Variants in PRDM1 observed in about 807,000 individuals in gnomAD.
PRDM1 encodes the protein PR/SET domain 1, also known as PR domain zinc finger protein 1.
A neutral mutation model predicts 62.8 loss-of-function variants in PRDM1; 13 were observed. That is an observed-to-expected ratio of 0.21 (90% CI 0.13 to 0.33). The LOEUF is 0.33. Among genes scored for constraint, PRDM1 ranks in the 10% least tolerant of loss-of-function variants. The probability of loss-of-function intolerance (pLI) is 1.00; values close to 1 mark genes in which losing one functional copy is unlikely to be tolerated. For synonymous variants in PRDM1, 396 were observed against 417.6 expected (o/e 0.95, Z 0.63); for missense variants, 895 against 1,058.8 (o/e 0.85, Z 2.15).
At chr6:106,088,501 C>T in intron 2 of PRDM1, 52 bp downstream of exon 2, 1 of 1,608,502 alleles carries the variant, frequency 6.2e-7, no homozygotes. Context: ...GCCAAATCTC[C>T]CTACTTGCCC....
intron 1 of PRDM1, among the ~76,000 whole-genome samples, chr6:106,074,454 TC>T (rs1302096132): frequency 6.6e-6 from 1 of 152,194 alleles, no homozygotes; most frequent in African/African-American, 2.4e-5. Context: ...ATTTGCATGC[TC>T]CCCAAGGGTT....
chr6:106,092,847 G>T (rs554838057), intron 2 of PRDM1, among the ~76,000 whole-genome samples: 2 of 152,312 alleles, frequency 1.3e-5, no homozygotes, highest in South Asian at 4.1e-4. Context: ...GCTAGACTTA[G>T]AATGGATATA....
chr6:105,997,973 T>C (rs563106686), intron 1 of PRDM1, among the ~76,000 whole-genome samples: 4 of 152,362 alleles, frequency 2.6e-5, no homozygotes, highest in Non-Finnish European at 5.9e-5. Flanking sequence ...AATTAAAAAG[T>C]AAACTGGTTG....
intron 1 of PRDM1, among the ~76,000 whole-genome samples, chr6:106,019,482 C>T (rs1483544087): frequency 1.3e-5 from 2 of 150,716 alleles, no homozygotes; most frequent in South Asian, 2.1e-4. Context: ...GATTAATTTG[C>T]GTTTTCACTT....
chr6:106,005,558 A>G (rs932827909), intron 1 of PRDM1, among the ~76,000 whole-genome samples: 4 of 152,252 alleles, frequency 2.6e-5, no homozygotes, highest in Non-Finnish European at 5.9e-5. Context: ...CTTTTAAACT[A>G]GGAAAAAATG....
chr6:106,079,023 C>T (rs1424037624), intron 1 of PRDM1, among the ~76,000 whole-genome samples: 3 of 151,820 alleles, frequency 2.0e-5, no homozygotes, highest in East Asian at 3.9e-4. Flanking sequence ...TGCAGTGGCG[C>T]GATCTCAGCT....
At chr6:106,065,780 T>C (rs925061257) in intron 1 of PRDM1, among the ~76,000 whole-genome samples, 1 of 152,238 alleles carries the variant, frequency 6.6e-6, no homozygotes, top group African/African-American at 2.4e-5. Flanking sequence ...CCTGCTTCCA[T>C]GGATTGAACC....
At chr6:106,045,325 T>C (rs796751930), upstream of PRDM1, 3 of 152,194 alleles carry the variant, frequency 2.0e-5, no homozygotes, top group African/African-American at 7.2e-5. Context: ...TCCACACTTT[T>C]ACTGCTTTCC....
chr6:106,034,575 A>T (rs1772896097), intron 1 of PRDM1, among the ~76,000 whole-genome samples: 1 of 150,034 alleles, frequency 6.7e-6, no homozygotes, highest in Non-Finnish European at 1.5e-5. Flanking sequence ...TTGATGTCTA[A>T]CTTCATTCCA....
rs565455956 is a variant in PRDM1 at position 106,109,237 on chromosome 6, C to G, written c.*1751C>G. 4.3e-6 allele frequency: 1 copy of G among 230,126 alleles called. No homozygotes were observed. The highest frequency in any genetic ancestry group is 8.6e-6 in the Non-Finnish European group (1 of 115,896). 14.3% of individuals were successfully genotyped at this position (230,126 alleles called of 1,614,324 possible). ...TGGTGCAGTGGTGGGGACCACAAAACAACCAGGGAGGAAGAGATACATCAT... is the reference window on the plus strand; with the variant it reads ...TGGTGCAGTGGTGGGGACCACAAAAGAACCAGGGAGGAAGAGATACATCAT... On this transcript the variant is annotated 3_prime_UTR_variant, in exon 7 of 7. Transcript: ENST00000369096.
intron 2 of PRDM1, among the ~76,000 whole-genome samples, chr6:106,093,248 T>C (rs1168432527): frequency 6.6e-6 from 1 of 152,076 alleles, no homozygotes; most frequent in East Asian, 1.9e-4. Context: ...CACAAGAAAA[T>C]GTGTGTAAGA....
chr6:106,095,004 A>C lies in PRDM1; in HGVS notation c.292-611A>C, dbSNP rs558119998. ...TAGAAGGCCAGAGAAGAACAAAGTT[A>C]CTTGAAAGATCTCTTATTAAAGAGA... On this transcript the variant is annotated intron_variant, in intron 2 of 6. Transcript: ENST00000369096. Among the ~76,000 whole-genome samples the C allele has an allele frequency of 4.6e-5, 7 of 151,624 alleles. No homozygotes were observed. The East Asian group carries it at 1.4e-3, about 29-fold the overall frequency.
chr6:106,068,556 G>GTC, intron 1 of PRDM1, among the ~76,000 whole-genome samples: 1 of 152,224 alleles, frequency 6.6e-6, no homozygotes, highest in East Asian at 1.9e-4. Flanking sequence ...CTCTCCCACT[G>GTC]TAACTCCTGC....
At chr6:106,086,047 G>A (rs1773790681), upstream of PRDM1, among the ~76,000 whole-genome samples, 1 of 152,206 alleles carries the variant, frequency 6.6e-6, no homozygotes, top group Non-Finnish European at 1.5e-5. Flanking sequence ...TTTAAGGAAC[G>A]TGCGCCCCCT....
Position 106,105,277 on chromosome 6 carries a change from T to G in PRDM1, c.1117T>G (p.Ser373Ala). Residue 373 changes from serine to alanine, a missense_variant, in exon 5 of 7, where the codon TCC becomes GCC. Ser to Ala is a moderately conservative substitution (Grantham distance 99). Transcript: ENST00000369096. ...CCCCGGCTCTCAAGAGCACCGGGAC[T>G]CCTACGCTTACTTGAACGCGTCCTA... ...VGPGSQEHRD[S>A]YAYLNASYGT... is the part of the protein sequence containing the mutation. 2 of 1,613,752 alleles carry G rather than the reference T, an allele frequency of 1.2e-6. No individual in the cohort carries two copies. Among genetic ancestry groups the G allele is most frequent in the Non-Finnish European group, 1.7e-6 (2 of 1,179,914 alleles).
chr6:106,095,070 C>A (rs902050619), intron 2 of PRDM1, among the ~76,000 whole-genome samples: 1 of 150,880 alleles, frequency 6.6e-6, no homozygotes, highest in African/African-American at 2.4e-5. Flanking sequence ...CACACACACA[C>A]AAACCTCATC....
At position 106,104,944 on chromosome 6, in the gene PRDM1, A is replaced by G. The variant is rs1774404905; in HGVS notation, c.784A>G (p.Lys262Glu). The change falls in exon 5 of 7, where the codon AAA becomes GAA. Residue 262 changes from lysine to glutamate, a missense_variant. Physicochemically the swap from Lys to Glu is moderately conservative, Grantham distance 56. Around this residue, in one of 4 missense-constraint regions of PRDM1, gnomAD observed 444 missense variants for 422.7 expected, o/e 1.05. Transcript: ENST00000369096. ...EILKLDSNPS[K>E]GKDLYRSNIS... ...CCTAAAATTGGACTCCAACCCCTCC[A>G]AAGGAAAGGACCTCTACCGTTCTAA... 1 of 1,613,998 alleles carries G rather than the reference A, an allele frequency of 6.2e-7. No homozygotes were observed. The highest frequency in any genetic ancestry group is 8.5e-7 in the Non-Finnish European group (1 of 1,180,022).
chr6:106,101,815 G>A (rs1355267915), intron 4 of PRDM1, among the ~76,000 whole-genome samples: 3 of 152,158 alleles, frequency 2.0e-5, no homozygotes, highest in South Asian at 2.1e-4. Context: ...TGGTTCAGGC[G>A]GTAGAGTTTG....
chr6:106,098,579 G>A, intron 3 of PRDM1: 1 of 1,304,236 alleles, frequency 7.7e-7, no homozygotes, highest in Non-Finnish European at 1.0e-6. Context: ...GCATTGAAAG[G>A]AAAGTGCAAG....
Sources: gnomAD v4.1 joint callset for allele counts (sites outside exome capture counted in the v4.1 genomes callset) on GRCh38, gnomAD v4.1.1 for gene constraint, gnomAD v4.1.1 regional missense constraint, MANE v1.5 for transcripts, NCBI Gene and HGNC (gene_info 2026-07-23, HGNC 2026-07-21) for gene names.